Variants in JMJD1C observed in about 807,000 individuals in gnomAD.
JMJD1C encodes the protein jumonji domain-containing protein 1C.
JMJD1C carries 31 observed loss-of-function variants against 245.3 expected under a neutral mutation model. That is an observed-to-expected ratio of 0.13 (90% CI 0.09 to 0.17). The LOEUF (loss-of-function observed/expected upper bound fraction) is 0.17, where lower values mean the gene tolerates loss of function less well. JMJD1C is among the 10% of genes least tolerant of loss of function. The pLI, the probability that JMJD1C is intolerant of heterozygous loss-of-function variation, is 1.00. For missense variants in JMJD1C, 2,691 were observed against 3,000.2 expected, an observed-to-expected ratio of 0.90 and a Z score of 2.41; for synonymous variants, 1,057 against 1,017.4, an observed-to-expected ratio of 1.04 and a Z score of -0.74.
At chr10:63,419,076 C>CAA (rs34710445) in intron 1 of JMJD1C, among the ~76,000 whole-genome samples, 15,741 of 103,006 alleles carry the variant, frequency 0.15, 1,508 homozygotes, top group East Asian at 0.36. Flanking sequence ...GACTCCATCT[C>CAA]AAAAAAAAAA....
chr10:63,307,622 C>T (rs1228868303), intron 2 of JMJD1C, among the ~76,000 whole-genome samples: 1 of 151,978 alleles, frequency 6.6e-6, no homozygotes, highest in African/African-American at 2.4e-5. Flanking sequence ...GAAATGGTAC[C>T]ACCAGGTAAG....
chr10:63,439,300 T>A (rs1294083436), intron 1 of JMJD1C, among the ~76,000 whole-genome samples: 1 of 152,224 alleles, frequency 6.6e-6, no homozygotes, highest in African/African-American at 2.4e-5. Context: ...TAATGTTCTG[T>A]TCCTGGCTTT....
intron 1 of JMJD1C, among the ~76,000 whole-genome samples, chr10:63,511,957 C>A (rs1177405183): frequency 1.3e-5 from 2 of 152,106 alleles, no homozygotes; most frequent in African/African-American, 2.4e-5. Context: ...TCAGCGGTTT[C>A]CCTGGAGTTT....
Position 63,207,126 on chromosome 10 carries a change from A to G in JMJD1C, c.4543T>C (p.Ser1515Pro). Residue 1515 changes from serine (S) to proline (P), a missense_variant, in exon 10 of 26, where the codon TCC (serine) becomes CCC (proline). By Grantham distance (74) the Ser-to-Pro change is moderately conservative. This residue lies in a region of JMJD1C where 1,562 missense variants were observed against 1,490.7 expected (regional missense o/e 1.05). Transcript: ENST00000399262. Reference protein sequence around the residue: ...NAIKNQTLSASLPLDSTVICS... With the variant: ...NAIKNQTLSAPLPLDSTVICS... ...ATTACAGTGCTATCCAGAGGAAGGG[A>G]GGCTGAAAGTGTCTGATTTTTTATA... 6.2e-7 allele frequency: 1 copy of G among 1,614,172 alleles called. No homozygotes were observed. Among genetic ancestry groups the G allele is most frequent in the Non-Finnish European group, 8.5e-7 (1 of 1,180,018 alleles).
rs143408089 is a variant in JMJD1C at position 63,186,693 on chromosome 10, C to T, written c.6571-310G>A. On this transcript the variant is annotated intron_variant, in intron 18 of 25. Transcript: ENST00000399262. Reference sequence around the variant, plus strand: ...GGCGGAGGGTAGATGTCCTCTCCACCCAAATTCCCTAATAGCTTTCTAATA... The same window carrying T: ...GGCGGAGGGTAGATGTCCTCTCCACTCAAATTCCCTAATAGCTTTCTAATA... 3.3e-3 allele frequency among the ~76,000 whole-genome samples: 500 copies of T among 152,224 alleles called. 7 individuals carry two copies. Among genetic ancestry groups the T allele is most frequent in the African/African-American group, 0.012 (487 of 41,530 alleles).
At chr10:63,360,227 C>T (rs913480655) in intron 2 of JMJD1C, among the ~76,000 whole-genome samples, 1 of 151,948 alleles carries the variant, frequency 6.6e-6, no homozygotes, top group Admixed American at 6.6e-5. Context: ...TCAGCCTCCC[C>T]AGTAGCCCGC....
intron 1 of JMJD1C, among the ~76,000 whole-genome samples, chr10:63,430,567 G>C (rs10761766): frequency 1.3e-5 from 2 of 151,850 alleles, no homozygotes; most frequent in East Asian, 1.9e-4. Context: ...GTAGATAAGC[G>C]GTTGCCAAAG....
intron 22 of JMJD1C, among the ~76,000 whole-genome samples, chr10:63,180,842 C>G (rs1048363873): frequency 6.0e-5 from 9 of 150,312 alleles, no homozygotes; most frequent in African/African-American, 2.2e-4. Context: ...GATCTCGGCT[C>G]ACTGCAAGCT....
At chr10:63,222,914 T>A in intron 3 of JMJD1C, 1 of 1,502,976 alleles carries the variant, frequency 6.7e-7, no homozygotes, top group Non-Finnish European at 9.3e-7. Context: ...TGGGCACTGC[T>A]TAAAAGACAG....
chr10:63,203,380 T>C (rs1020847013), intron 10 of JMJD1C: 2 of 984,986 alleles, frequency 2.0e-6, no homozygotes, highest in Non-Finnish European at 2.4e-6. Flanking sequence ...CTTAGTTCTC[T>C]AGTAGCAAAT....
chr10:63,258,160 A>G (rs1854216332), intron 3 of JMJD1C, among the ~76,000 whole-genome samples: 1 of 152,218 alleles, frequency 6.6e-6, no homozygotes, highest in African/African-American at 2.4e-5. Context: ...ATTTCATTTA[A>G]TCTTTCTAAC....
rs397846162 is a variant in JMJD1C at position 63,413,985 on chromosome 10, CT to C, written c.169-33504del. Among the ~76,000 whole-genome samples, 250 of 132,002 alleles carry C rather than the reference CT, an allele frequency of 1.9e-3. 1 individual carries two copies. Among genetic ancestry groups the C allele is most frequent in the East Asian group, 5.0e-3 (24 of 4,772 alleles). The allele number at this position is 132,002 out of a possible 152,430, so 86.6% of individuals were successfully genotyped here. A position where few individuals can be genotyped will look rare whatever the true frequency, so the allele number is the denominator to read the frequency against. On this transcript the variant is annotated intron_variant, in intron 1 of 25. Transcript: ENST00000399262. ...ATTTCTTAAAAGTATGCTATCAATACTTTTTTTTTTTTTTTTTTTGACACGG... is the reference window on the plus strand; with the variant it reads ...ATTTCTTAAAAGTATGCTATCAATACTTTTTTTTTTTTTTTTTTGACACGG...
At chr10:63,472,781 T>A (rs1433916164) in intron 1 of JMJD1C, among the ~76,000 whole-genome samples, 3 of 152,188 alleles carry the variant, frequency 2.0e-5, no homozygotes, top group Admixed American at 2.0e-4. Flanking sequence ...ATAATTCAAT[T>A]TTTATTTATT....
intron 1 of JMJD1C, among the ~76,000 whole-genome samples, chr10:63,454,081 A>T (rs999725805): frequency 6.6e-6 from 1 of 152,086 alleles, no homozygotes; most frequent in African/African-American, 2.4e-5. Context: ...TACATGTTTT[A>T]ATTTTTAACT....
At position 63,218,309 on chromosome 10, in the gene JMJD1C, AAT is replaced by A. The variant is rs371128859; in HGVS notation, c.554-980_554-979del. Among the ~76,000 whole-genome samples, 502 of 151,932 alleles carry A rather than the reference AAT, an allele frequency of 3.3e-3. 3 individuals are homozygous for A. Among genetic ancestry groups the A allele is most frequent in the African/African-American group, 0.011 (461 of 41,504 alleles). On this transcript the variant is annotated intron_variant, in intron 4 of 25. Coordinates refer to ENST00000399262, the MANE Select transcript of JMJD1C (RefSeq NM_032776.3). The stretch of plus-strand genomic sequence containing the variant: ...ATTCAACAATCCTTTGCCAGCTTTA[AAT>A]ATATATATATAAATCAATGAACTGT...
intron 2 of JMJD1C, among the ~76,000 whole-genome samples, chr10:63,286,059 T>C (rs2133913171): frequency 6.6e-6 from 1 of 152,254 alleles, no homozygotes; most frequent in South Asian, 2.1e-4. Context: ...AGAAGTGGGG[T>C]CCAGCAATCT....
intron 1 of JMJD1C, among the ~76,000 whole-genome samples, chr10:63,477,363 G>A (rs1430409434): frequency 6.8e-6 from 1 of 147,770 alleles, no homozygotes; most frequent in Non-Finnish European, 1.5e-5. Flanking sequence ...TATAGCTGCA[G>A]TAATCAACTC....
Position 63,207,274 on chromosome 10 carries a change from A to C in JMJD1C, c.4395T>G (p.Ser1465Arg), listed in dbSNP as rs762726198. ...AGAACCCAGAACTGGGTTGAACAAC[A>C]CTTCCTGTCTTACTACTGGCTAATG... The part of the protein sequence containing the change: ...PVTLASSKTG[S>R]VVQPSSGFSG... The change falls in exon 10 of 26, where the codon AGT (serine) becomes AGG (arginine). Residue 1465 changes from serine to arginine, a missense_variant. Ser to Arg is a moderately radical substitution (Grantham distance 110). Around this residue, in one of 9 missense-constraint regions of JMJD1C, gnomAD observed 1,562 missense variants for 1,490.7 expected, o/e 1.05. Coordinates refer to ENST00000399262, the MANE Select transcript of JMJD1C (RefSeq NM_032776.3). The C allele has an allele frequency of 6.2e-7, 1 of 1,613,762 alleles. No individual in the cohort carries two copies.
At chr10:63,322,630 T>C (rs1941011417) in intron 2 of JMJD1C, among the ~76,000 whole-genome samples, 4 of 151,804 alleles carry the variant, frequency 2.6e-5, no homozygotes, top group Non-Finnish European at 1.5e-5. Flanking sequence ...CTGACCAACA[T>C]GGTGAAACCC....
Sources: allele counts gnomAD v4.1 joint callset (sites outside exome capture counted in the v4.1 genomes callset), GRCh38; gene constraint gnomAD v4.1.1; regional missense constraint gnomAD v4.1.1; transcripts MANE v1.5; gene names NCBI Gene and HGNC (gene_info 2026-07-23, HGNC 2026-07-21).